The following HACE1 variants were observed in gnomAD, a reference collection of about 807,000 sequenced individuals.
The protein encoded by HACE1 is HECT domain and ankyrin repeat containing E3 ubiquitin protein ligase 1.
Under a neutral mutation model 118.4 loss-of-function variants are expected in HACE1, and 73 were observed. The ratio of observed to expected loss-of-function variants is 0.62; its 90% CI spans 0.51 to 0.75. The LOEUF (loss-of-function observed/expected upper bound fraction) is 0.75, where lower values mean the gene tolerates loss of function less well. Ranked by LOEUF, HACE1 falls within the 30% of genes least tolerant of loss-of-function variation. HACE1 has a pLI of 0.00. For synonymous variants in HACE1, 368 were observed against 374.8 expected, an observed-to-expected ratio of 0.98 and a Z score of 0.21; for missense variants, 749 against 1,102.2, an observed-to-expected ratio of 0.68 and a Z score of 4.54.
At chr6:104,783,424 AG>A (rs1781959795) in intron 14 of HACE1, among the ~76,000 whole-genome samples, 2 of 152,238 alleles carry the variant, frequency 1.3e-5, no homozygotes, top group Admixed American at 1.3e-4. Context: ...CCATTTATTG[AG>A]CATATATCAC....
chr6:104,779,524 G>A (rs1299356154), intron 14 of HACE1, among the ~76,000 whole-genome samples: 2 of 151,988 alleles, frequency 1.3e-5, no homozygotes, highest in Non-Finnish European at 2.9e-5. Context: ...ATAAAGCACT[G>A]GTGTTATATG....
At chr6:104,735,008 G>A (rs1452278411) in intron 22 of HACE1, among the ~76,000 whole-genome samples, 1 of 151,732 alleles carries the variant, frequency 6.6e-6, no homozygotes, top group Non-Finnish European at 1.5e-5. Context: ...TGTAAAAACA[G>A]AAATTATAAA....
intron 22 of HACE1, among the ~76,000 whole-genome samples, chr6:104,733,274 C>T (rs970985160): frequency 3.3e-5 from 5 of 151,998 alleles, no homozygotes; most frequent in South Asian, 2.1e-4. Flanking sequence ...AAATTTTGAA[C>T]GGTAAGTTAA....
In HACE1 at chr6:104,793,576, G is replaced by T. The variant is rs117421060; in HGVS notation, c.924-1922C>A. Among the ~76,000 whole-genome samples the T allele has an allele frequency of 1.6e-4, 24 of 152,224 alleles. No homozygotes were observed. In the South Asian group the frequency reaches 2.9e-3, roughly 18 times the overall value. On this transcript the variant is annotated intron_variant, in intron 10 of 23. Transcript: ENST00000262903. Reference sequence around the variant, plus strand: ...TACAAATTTTTCCAAAAGTGTGCTGGATAACACCTTAGTTGTCACTAATTA... The same window carrying T: ...TACAAATTTTTCCAAAAGTGTGCTGTATAACACCTTAGTTGTCACTAATTA...
In HACE1 at chr6:104,776,918, C is replaced by T; in HGVS notation, c.1777-90G>A. 4.7e-6 allele frequency: 6 copies of T among 1,283,922 alleles called. No individual in the cohort carries two copies. In the South Asian group the frequency reaches 7.3e-5, roughly 16 times the overall value. 79.5% of individuals were successfully genotyped at this position (1,283,922 alleles called of 1,614,324 possible). A position where few individuals can be genotyped will look rare whatever the true frequency, so the allele number is the denominator to read the frequency against. Reference sequence around the variant, plus strand: ...ATAACAAAATTTAAATATAAAGTTTCTTCCTTTATCAACTAAATATTAAAC... The same window carrying T: ...ATAACAAAATTTAAATATAAAGTTTTTTCCTTTATCAACTAAATATTAAAC... On this transcript the variant is annotated intron_variant, in intron 16 of 23. Coordinates refer to ENST00000262903, the MANE Select transcript of HACE1 (RefSeq NM_020771.4).
chr6:104,844,448 ATTC>A (rs1370769747), intron 4 of HACE1, among the ~76,000 whole-genome samples: 1 of 151,218 alleles, frequency 6.6e-6, no homozygotes, highest in East Asian at 1.9e-4. Context: ...GGTTCAAGCA[ATTC>A]TTCTGTCTCA....
intron 22 of HACE1, among the ~76,000 whole-genome samples, chr6:104,740,101 G>C (rs975392100): frequency 9.9e-5 from 15 of 150,938 alleles, no homozygotes; most frequent in Non-Finnish European, 5.9e-5. Flanking sequence ...CAGAAATAAA[G>C]ATGTTCTTTG....
rs374211128 is a variant in HACE1 at position 104,739,563 on chromosome 6, A to C, written c.2513+4597T>G. Among the ~76,000 whole-genome samples, 197 of 152,198 alleles carry C rather than the reference A, an allele frequency of 1.3e-3. 1 individual carries two copies. In the East Asian group the frequency reaches 0.031, roughly 24 times the overall value. Reference sequence around the variant, plus strand: ...TTTAAACCAACAAAGATCAAAAGAGACAAAGAAGGCCATTACATAATGATA... The same window carrying C: ...TTTAAACCAACAAAGATCAAAAGAGCCAAAGAAGGCCATTACATAATGATA... On this transcript the variant is annotated intron_variant, in intron 22 of 23. Coordinates refer to ENST00000262903, the MANE Select transcript of HACE1 (RefSeq NM_020771.4).
chr6:104,829,749 ACT>A (rs1284877096), intron 6 of HACE1, among the ~76,000 whole-genome samples: 2 of 151,962 alleles, frequency 1.3e-5, no homozygotes, highest in Non-Finnish European at 2.9e-5. Flanking sequence ...CTCCTCCTCT[ACT>A]CTGTCTGCAA....
At chr6:104,832,377 G>GT (rs749094102) in intron 6 of HACE1, among the ~76,000 whole-genome samples, 70 of 124,354 alleles carry the variant, frequency 5.6e-4, no homozygotes, top group South Asian at 1.8e-3. Context: ...CTATTTTCCT[G>GT]TTTTTTGTTG....
intron 11 of HACE1, among the ~76,000 whole-genome samples, chr6:104,789,065 T>C (rs918692386): frequency 6.6e-6 from 1 of 152,044 alleles, no homozygotes; most frequent in Non-Finnish European, 1.5e-5. Context: ...CAGTCTAACA[T>C]CACAGCAACT....
At chr6:104,756,703 G>A (rs1317582855) in intron 19 of HACE1, among the ~76,000 whole-genome samples, 2 of 152,100 alleles carry the variant, frequency 1.3e-5, no homozygotes, top group Non-Finnish European at 2.9e-5. Flanking sequence ...TGGACAGTGG[G>A]TGCAGCCCAC....
intron 6 of HACE1, among the ~76,000 whole-genome samples, chr6:104,828,199 G>A (rs1428076864): frequency 6.6e-6 from 1 of 151,934 alleles, no homozygotes; most frequent in Non-Finnish European, 1.5e-5. Context: ...ATAGTGTTAG[G>A]TTTTACTCAA....
intron 14 of HACE1, among the ~76,000 whole-genome samples, chr6:104,778,339 T>C (rs765076310): frequency 7.2e-5 from 11 of 152,024 alleles, no homozygotes; most frequent in Non-Finnish European, 1.3e-4. Context: ...AACTGTTTAA[T>C]AGAGTTAAAG....
intron 19 of HACE1, among the ~76,000 whole-genome samples, chr6:104,769,044 CTTT>C: frequency 6.7e-6 from 1 of 150,222 alleles, no homozygotes; most frequent in East Asian, 2.0e-4. Context: ...ATTTTTTTTT[CTTT>C]TTTAAGTGAT....
chr6:104,749,599 C>T (rs922314229), intron 20 of HACE1, among the ~76,000 whole-genome samples: 1 of 152,082 alleles, frequency 6.6e-6, no homozygotes, highest in Non-Finnish European at 1.5e-5. Flanking sequence ...CTGGAACTTA[C>T]TATTCCAAAT....
rs187859018 is a variant in HACE1, at chr6:104,746,064, G to A, written c.2344-1454C>T. ...AAGAAATTTGCAAAACTGTTAAACAGTACCAGTCTTCCCACTGTTTCTGTT... is the reference window on the plus strand; with the variant it reads ...AAGAAATTTGCAAAACTGTTAAACAATACCAGTCTTCCCACTGTTTCTGTT... On this transcript the variant is annotated intron_variant, in intron 20 of 23. Coordinates refer to ENST00000262903, the MANE Select transcript of HACE1 (RefSeq NM_020771.4). Among the ~76,000 whole-genome samples the A allele has an allele frequency of 1.5e-4, 23 of 152,256 alleles. No individual in the cohort carries two copies. The East Asian group carries it at 2.3e-3, about 15-fold the overall frequency.
chr6:104,859,187 G>C (rs1458865843), intron 1 of HACE1, among the ~76,000 whole-genome samples: 2 of 152,094 alleles, frequency 1.3e-5, no homozygotes, highest in Non-Finnish European at 2.9e-5. Context: ...AGTATCTTTG[G>C]ATCATCTCTA....
At chr6:104,772,738 A>G (rs1480195560) in intron 17 of HACE1, among the ~76,000 whole-genome samples, 2 of 152,196 alleles carry the variant, frequency 1.3e-5, no homozygotes, top group Non-Finnish European at 2.9e-5. Context: ...GCAATAAGTT[A>G]CCAATTACTA....
Sources: gnomAD v4.1 joint callset for allele counts (sites outside exome capture counted in the v4.1 genomes callset) on GRCh38, gnomAD v4.1.1 for gene constraint, MANE v1.5 for transcripts, NCBI Gene and HGNC (gene_info 2026-07-23, HGNC 2026-07-21) for gene names.